SHC4: variants seen among roughly 807,000 people sequenced by gnomAD.
SHC4 encodes the protein SHC-transforming protein 4.
A neutral mutation model predicts 69.4 loss-of-function variants in SHC4; 41 were observed. The ratio of observed to expected loss-of-function variants is 0.59; its 90% CI spans 0.46 to 0.77. The LOEUF (loss-of-function observed/expected upper bound fraction) is 0.77, where lower values mean the gene tolerates loss of function less well. SHC4 is among the 30% of genes least tolerant of loss of function. The pLI, the probability that SHC4 is intolerant of heterozygous loss-of-function variation, is 0.00. For synonymous variants in SHC4, 318 were observed against 299.3 expected (o/e 1.06, Z -0.64); for missense variants, 777 against 783.8 (o/e 0.99, Z 0.10).
chr15:48,852,617 T>C (rs1021280197), intron 8 of SHC4, among the ~76,000 whole-genome samples: 17 of 151,946 alleles, frequency 1.1e-4, no homozygotes, highest in African/African-American at 3.9e-4. Context: ...AAATAAGAGG[T>C]AGGGCCAGGC....
chr15:48,860,181 C>G (rs1004667618), intron 6 of SHC4, among the ~76,000 whole-genome samples: 4 of 151,956 alleles, frequency 2.6e-5, no homozygotes, highest in South Asian at 4.2e-4. Flanking sequence ...AAAAGGTAAT[C>G]CTTTTGTTTT....
intron 1 of SHC4, among the ~76,000 whole-genome samples, chr15:48,953,995 T>G (rs978537296): frequency 1.3e-5 from 2 of 152,224 alleles, no homozygotes; most frequent in East Asian, 3.8e-4. Context: ...TGGCTTAGAT[T>G]CGATTTACAG....
intron 2 of SHC4, among the ~76,000 whole-genome samples, chr15:48,901,612 TAAAC>T (rs1157250543): frequency 7.2e-5 from 11 of 152,238 alleles, no homozygotes; most frequent in Admixed American, 4.6e-4. Context: ...AATACAGAAA[TAAAC>T]AAAAGTGCAA....
intron 2 of SHC4, among the ~76,000 whole-genome samples, chr15:48,920,676 G>A (rs1900736208): frequency 6.6e-6 from 1 of 152,082 alleles, no homozygotes; most frequent in Non-Finnish European, 1.5e-5. Flanking sequence ...CATATCAAAA[G>A]CCTTTAAAAC....
chr15:48,838,179 A>C (rs1382619254), intron 10 of SHC4, among the ~76,000 whole-genome samples: 1 of 152,220 alleles, frequency 6.6e-6, no homozygotes, highest in Non-Finnish European at 1.5e-5. Flanking sequence ...GAAGAGTAAA[A>C]TAAGGAGGTA....
chr15:48,916,312 CA>C (rs1317091837), intron 2 of SHC4, among the ~76,000 whole-genome samples: 54 of 146,922 alleles, frequency 3.7e-4, no homozygotes, highest in African/African-American at 1.2e-3. Context: ...CACACACACA[CA>C]CACACCCAGA....
chr15:48,899,984 A>G (rs1336107841), intron 2 of SHC4, among the ~76,000 whole-genome samples: 1 of 152,172 alleles, frequency 6.6e-6, no homozygotes, highest in Non-Finnish European at 1.5e-5. Flanking sequence ...ATTGAGTAAC[A>G]GGTTCTGTGC....
At chr15:48,937,629 G>T (rs377560275) in intron 1 of SHC4, among the ~76,000 whole-genome samples, 2 of 128,630 alleles carry the variant, frequency 1.6e-5, no homozygotes, top group Non-Finnish European at 3.5e-5. Flanking sequence ...GATAGATAGA[G>T]ATATAAATAA....
rs886911613 is a variant in SHC4, at chr15:48,907,132, C to CA, written c.657-16322dup. Among the ~76,000 whole-genome samples, 105 of 147,680 alleles carry CA rather than the reference C, an allele frequency of 7.1e-4. 1 individual carries two copies. The highest frequency in any genetic ancestry group is 3.5e-3 in the East Asian group (18 of 5,110). ...ACTTTTCATAATCAGAAAAGGAATG[C>CA]AAAAAAAAATTAAGAATTAGATATG... On this transcript the variant is annotated intron_variant, in intron 2 of 11. Transcript: ENST00000332408.
chr15:48,902,827 C>T (rs908922215), intron 2 of SHC4, among the ~76,000 whole-genome samples: 1 of 152,124 alleles, frequency 6.6e-6, no homozygotes, highest in African/African-American at 2.4e-5. Context: ...CCCTTACTCC[C>T]TTGACAGTTG....
At chr15:48,871,624 G>A (rs1393159599) in intron 5 of SHC4, among the ~76,000 whole-genome samples, 1 of 152,166 alleles carries the variant, frequency 6.6e-6, no homozygotes, top group African/African-American at 2.4e-5. Flanking sequence ...TTTCCTCCAT[G>A]AGTTCCTGCA....
intron 1 of SHC4, chr15:48,938,469 T>C (rs970569360): frequency 6.6e-6 from 1 of 152,214 alleles, no homozygotes; most frequent in Non-Finnish European, 1.5e-5. Flanking sequence ...CTTTCTTTTG[T>C]ATTGTGGGAG....
At chr15:48,834,735 T>A in intron 11 of SHC4, 34 bp downstream of exon 11, 2 of 1,609,580 alleles carry the variant, frequency 1.2e-6, no homozygotes, top group Non-Finnish European at 1.7e-6. Flanking sequence ...TAGAACAACA[T>A]CCTGTGAAAC....
chr15:48,911,452 G>C (rs1022080206), intron 2 of SHC4, among the ~76,000 whole-genome samples: 4 of 152,106 alleles, frequency 2.6e-5, no homozygotes, highest in African/African-American at 9.7e-5. Context: ...CTTTATGTGA[G>C]TCCTTACATG....
At chr15:48,854,170 C>T (rs540836084) in intron 8 of SHC4, among the ~76,000 whole-genome samples, 1 of 152,302 alleles carries the variant, frequency 6.6e-6, no homozygotes, top group African/African-American at 2.4e-5. Context: ...CATGAACAGA[C>T]ATTTCTCAAA....
In SHC4 at chr15:48,962,813, G is replaced by C; in HGVS notation, c.203C>G (p.Pro68Arg). 6.2e-7 allele frequency: 1 copy of C among 1,612,622 alleles called. No individual in the cohort carries two copies. ...CGACGGCAAGGTGGCATCTTCAGTCGGCAGGTGAGGTGCCAGGGCGGGGTG... is the reference window on the plus strand; with the variant it reads ...CGACGGCAAGGTGGCATCTTCAGTCCGCAGGTGAGGTGCCAGGGCGGGGTG... ...PPHPALAPHL[P>R]TEDATLPSQE... The change falls in exon 1 of 12, where the codon CCG (proline) becomes CGG (arginine). Residue 68 changes from proline (P) to arginine (R), a missense_variant. Coordinates refer to ENST00000332408, the MANE Select transcript of SHC4 (RefSeq NM_203349.4).
At chr15:48,899,244 A>G (rs1900275614) in intron 2 of SHC4, among the ~76,000 whole-genome samples, 1 of 152,168 alleles carries the variant, frequency 6.6e-6, no homozygotes, top group Non-Finnish European at 1.5e-5. Flanking sequence ...AGGTAGGCGG[A>G]TCACTTGAGG....
At chr15:48,867,786 T>G in intron 6 of SHC4, 32 bp downstream of exon 6, 1 of 1,600,654 alleles carries the variant, frequency 6.2e-7, no homozygotes, top group Non-Finnish European at 8.6e-7. Flanking sequence ...ATATACCAGC[T>G]CTTTAAAAAA....
chr15:48,961,068 A>G (rs1901538343), intron 1 of SHC4, among the ~76,000 whole-genome samples: 1 of 152,184 alleles, frequency 6.6e-6, no homozygotes, highest in Non-Finnish European at 1.5e-5. Flanking sequence ...CTGTCACAGA[A>G]TGCCTTACCA....
Sources: allele counts gnomAD v4.1 joint callset (sites outside exome capture counted in the v4.1 genomes callset), GRCh38; gene constraint gnomAD v4.1.1; transcripts MANE v1.5; gene names NCBI Gene and HGNC (gene_info 2026-07-23, HGNC 2026-07-21).